ZNF777: variants seen among roughly 807,000 people sequenced by gnomAD.
ZNF777 encodes the protein zinc finger protein 777.
Under a neutral mutation model 72.1 loss-of-function variants are expected in ZNF777, and 7 were observed. The observed-to-expected ratio is 0.10, with a 90% CI of 0.06 to 0.18. The LOEUF is 0.18. ZNF777 is among the 10% of genes least tolerant of loss of function. The probability of loss-of-function intolerance (pLI) is 1.00; values close to 1 mark genes in which losing one functional copy is unlikely to be tolerated. For synonymous variants in ZNF777, 545 were observed against 483.5 expected, an observed-to-expected ratio of 1.13 and a Z score of -1.67; for missense variants, 828 against 1,128.6, an observed-to-expected ratio of 0.73 and a Z score of 3.82.
rs115269519 is a variant in ZNF777, at chr7:149,435,173, A to G, written c.1339+1402T>C. Among the ~76,000 whole-genome samples, 322 of 152,052 alleles carry G rather than the reference A, an allele frequency of 2.1e-3. 2 individuals are homozygous for G. The highest frequency in any genetic ancestry group is 7.4e-3 in the African/African-American group (308 of 41,488). Reference sequence around the variant, plus strand: ...CTTAAAAATAAGGTGGTAGATCCATATATGTACATATTTTTGAGACAGTGT... The same window carrying G: ...CTTAAAAATAAGGTGGTAGATCCATGTATGTACATATTTTTGAGACAGTGT... On this transcript the variant is annotated intron_variant, in intron 5 of 5. Coordinates refer to ENST00000247930, the MANE Select transcript of ZNF777 (RefSeq NM_015694.3).
Position 149,436,035 on chromosome 7 carries a change from G to T in ZNF777, c.1339+540C>A, listed in dbSNP as rs947953840. ...AGATGTCCTGGGATCAGGCCACCGT[G>T]AGCCCCAGTGCCTTACTGTTCTTGA... On this transcript the variant is annotated intron_variant, in intron 5 of 5. Transcript: ENST00000247930. This position sits in a 1 kb window ranked among gnomAD's most constrained non-coding sequence, Gnocchi z 5.0. Among the ~76,000 whole-genome samples, 1 of 152,236 alleles carries T rather than the reference G, an allele frequency of 6.6e-6. No individual in the cohort carries two copies. Among genetic ancestry groups the T allele is most frequent in the Non-Finnish European group, 1.5e-5 (1 of 68,044 alleles).
In ZNF777 at chr7:149,432,976, C is replaced by A. The variant is rs1460141560; in HGVS notation, c.1340-44G>T. 7 of 1,448,596 alleles carry A rather than the reference C, an allele frequency of 4.8e-6. No individual in the cohort carries two copies. The East Asian group carries it at 7.5e-5, about 16-fold the overall frequency. 89.7% of individuals were successfully genotyped at this position (1,448,596 alleles called of 1,614,324 possible). A position where few individuals can be genotyped will look rare whatever the true frequency, so the allele number is the denominator to read the frequency against. On this transcript the variant is annotated intron_variant, in intron 5 of 5. Transcript: ENST00000247930. The stretch of plus-strand genomic sequence containing the variant: ...GAGAAAGTCGTTAGCTGCTGCCTGG[C>A]GCCCCTAACCTACCTGGATGGAGGT...
chr7:149,457,840 T>C (rs566704039), intron 1 of ZNF777, among the ~76,000 whole-genome samples: 1 of 152,322 alleles, frequency 6.6e-6, no homozygotes, highest in South Asian at 2.1e-4. Context: ...ATGAAACAGG[T>C]ACTACTAGAG....
At chr7:149,446,730 C>T (rs1024015065) in intron 4 of ZNF777, among the ~76,000 whole-genome samples, 19 of 151,998 alleles carry the variant, frequency 1.3e-4, no homozygotes, top group Non-Finnish European at 2.5e-4. Flanking sequence ...TCCCATATTT[C>T]CACTCCCCCA....
intron 4 of ZNF777, among the ~76,000 whole-genome samples, chr7:149,446,710 C>T (rs1799609556): frequency 6.6e-6 from 1 of 151,722 alleles, no homozygotes; most frequent in African/African-American, 2.4e-5. Context: ...AACAAGAATC[C>T]CCCCAACTGT....
intron 4 of ZNF777, among the ~76,000 whole-genome samples, chr7:149,446,527 T>C (rs1272086001): frequency 1.3e-5 from 2 of 152,196 alleles, no homozygotes; most frequent in African/African-American, 2.4e-5. Flanking sequence ...TTAAAAAACA[T>C]AGAGAAATAT....
Position 149,432,761 on chromosome 7 carries a change from G to C in ZNF777, c.1511C>G (p.Pro504Arg), listed in dbSNP as rs749024743. The change falls in exon 6 of 6, where the codon CCG becomes CGG. Residue 504 changes from proline to arginine, a missense_variant. Physicochemically the swap from Pro to Arg is moderately radical, Grantham distance 103. Around this residue, in one of 12 missense-constraint regions of ZNF777, gnomAD observed 219 missense variants for 223.0 expected, o/e 0.98. Coordinates refer to ENST00000247930, the MANE Select transcript of ZNF777 (RefSeq NM_015694.3). ...TGCGGGGTTTCCTAGCTGCAGGGGC[G>C]GGGGGCTCTCCTCGCCCTCGGGGGA... ...EMSPEGEESP[P>R]PLQLGNPAVK... 1.9e-6 allele frequency: 3 copies of C among 1,610,516 alleles called. No individual in the cohort carries two copies. Among genetic ancestry groups the C allele is most frequent in the Non-Finnish European group, 1.7e-6 (2 of 1,177,514 alleles).
At chr7:149,440,381 A>G (rs1799488195) in intron 4 of ZNF777, among the ~76,000 whole-genome samples, 1 of 152,102 alleles carries the variant, frequency 6.6e-6, no homozygotes, top group African/African-American at 2.4e-5. Flanking sequence ...TTTTTAAGAG[A>G]TGAGGCCTTG....
intron 4 of ZNF777, among the ~76,000 whole-genome samples, chr7:149,446,812 CACTG>C (rs1239496314): frequency 6.6e-6 from 1 of 152,156 alleles, no homozygotes; most frequent in Non-Finnish European, 1.5e-5. Flanking sequence ...GCTCCTCACC[CACTG>C]ACTATCAGGC....
At chr7:149,446,087 T>C (rs1799597387) in intron 4 of ZNF777, among the ~76,000 whole-genome samples, 1 of 152,246 alleles carries the variant, frequency 6.6e-6, no homozygotes, top group African/African-American at 2.4e-5. Context: ...ACTCTTGTTT[T>C]AGAAGGATTT....
Position 149,432,701 on chromosome 7 carries a change from C to T in ZNF777, c.1571G>A (p.Arg524Gln), listed in dbSNP as rs2116565655. The T allele has an allele frequency of 6.2e-7, 1 of 1,612,818 alleles. No individual in the cohort carries two copies. The highest frequency in any genetic ancestry group is 2.2e-5 in the East Asian group (1 of 44,846). ...KRLAPSVHGE[R>Q]HLSENRGASS... ...GGCCCCGCGGTTCTCGCTCAGGTGC[C>T]GCTCACCGTGCACGGAGGGCGCCAG... The change falls in exon 6 of 6, where the codon CGG (arginine) becomes CAG (glutamine). Residue 524 changes from arginine to glutamine, a missense_variant. Physicochemically the swap from Arg to Gln is conservative, Grantham distance 43 (BLOSUM62 1). Coordinates refer to ENST00000247930, the MANE Select transcript of ZNF777 (RefSeq NM_015694.3).
chr7:149,446,479 A>G (rs1799604882), intron 4 of ZNF777, among the ~76,000 whole-genome samples: 1 of 152,250 alleles, frequency 6.6e-6, no homozygotes, highest in Admixed American at 6.5e-5. Context: ...ATATATTTTT[A>G]CTGAATAAGG....
intron 4 of ZNF777, among the ~76,000 whole-genome samples, chr7:149,450,505 G>A (rs1799693034): frequency 6.6e-6 from 1 of 152,154 alleles, no homozygotes; most frequent in African/African-American, 2.4e-5. Context: ...GTGTGCACAT[G>A]AGCCACACGG....
intron 4 of ZNF777, among the ~76,000 whole-genome samples, chr7:149,437,795 GTTTCTT>G (rs1263325084): frequency 6.0e-4 from 44 of 73,678 alleles, no homozygotes; most frequent in African/African-American, 1.3e-3. Flanking sequence ...TTATATGTTT[GTTTCTT>G]TTTCTTTTTT....
At chr7:149,448,855 A>G (rs531151339) in intron 4 of ZNF777, among the ~76,000 whole-genome samples, 10 of 152,040 alleles carry the variant, frequency 6.6e-5, no homozygotes, top group Non-Finnish European at 8.8e-5. Flanking sequence ...GAGGGTTGAC[A>G]TCTGAATCAT....
rs1314279468 is a variant in ZNF777, at chr7:149,460,958, C to T, written c.-159G>A. The stretch of plus-strand genomic sequence containing the variant: ...CCGACAGCCTTCCTCCCGCCGATCC[C>T]CTGCGCCTCTCACACCCAGAACCCG... On this transcript the variant is annotated 5_prime_UTR_variant, in exon 1 of 6. Coordinates refer to ENST00000247930, the MANE Select transcript of ZNF777 (RefSeq NM_015694.3). This position sits in a 1 kb window ranked among gnomAD's most constrained non-coding sequence, Gnocchi z 6.1. 6.6e-6 allele frequency: 1 copy of T among 152,294 alleles called. No homozygotes were observed. The highest frequency in any genetic ancestry group is 1.5e-5 in the Non-Finnish European group (1 of 68,092). The allele number at this position is 152,294 out of a possible 1,614,324, so 9.4% of individuals were successfully genotyped here. A position where few individuals can be genotyped will look rare whatever the true frequency, so the allele number is the denominator to read the frequency against.
chr7:149,448,485 C>CTATATATATATA lies in ZNF777; in HGVS notation c.1087+2502_1087+2513dup, dbSNP rs61005836. The stretch of plus-strand genomic sequence containing the variant: ...GCTCCATCTCAAAAACAAAACAAAA[C>CTATATATATATA]TATATATATATATATATATATATAT... On this transcript the variant is annotated intron_variant, in intron 4 of 5. Transcript: ENST00000247930. 5.4e-4 allele frequency among the ~76,000 whole-genome samples: 57 copies of CTATATATATATA among 104,616 alleles called. 1 individual carries two copies. The highest frequency in any genetic ancestry group is 2.7e-3 in the African/African-American group (53 of 19,410). 68.6% of individuals were successfully genotyped at this position (104,616 alleles called of 152,430 possible). A position where few individuals can be genotyped will look rare whatever the true frequency, so the allele number is the denominator to read the frequency against.
rs764589463 is a variant in ZNF777, at chr7:149,432,898, C to G, written c.1374G>C (p.Glu458Asp). The change falls in exon 6 of 6, where the codon GAG becomes GAC. Residue 458 changes from glutamate (E) to aspartate (D), a missense_variant. This residue lies in a region of ZNF777 where 219 missense variants were observed against 223.0 expected (regional missense o/e 0.98). Transcript: ENST00000247930. Reference sequence around the variant, plus strand: ...CATCCTCCTCCTCCTCTTCTTCCTCCTCGTCTTGTTCCTCTGTCTTGATCA... The same window carrying G: ...CATCCTCCTCCTCCTCTTCTTCCTCGTCGTCTTGTTCCTCTGTCTTGATCA... ...GIVIKTEEQD[E>D]EEEEEEEDEL... The G allele has an allele frequency of 4.6e-6, 7 of 1,522,382 alleles. No homozygotes were observed. The East Asian group carries it at 9.3e-5, about 20-fold the overall frequency. The allele number at this position is 1,522,382 out of a possible 1,614,324, so 94.3% of individuals were successfully genotyped here.
intron 4 of ZNF777, among the ~76,000 whole-genome samples, chr7:149,450,136 G>A (rs545609260): frequency 1.6e-4 from 24 of 152,258 alleles, no homozygotes; most frequent in African/African-American, 4.3e-4. Flanking sequence ...ACCTGCCCAC[G>A]AAGGACAAGG....
Sources: gnomAD v4.1 joint callset for allele counts (sites outside exome capture counted in the v4.1 genomes callset) on GRCh38, gnomAD v4.1.1 for gene constraint, gnomAD v4.1.1 regional missense constraint, Gnocchi (gnomAD v3.1) non-coding constraint, MANE v1.5 for transcripts, NCBI Gene and HGNC (gene_info 2026-07-23, HGNC 2026-07-21) for gene names.